The following GPR146 variants were observed in gnomAD, a reference collection of about 807,000 sequenced individuals.
GPR146 encodes the protein G-protein coupled receptor 146.
For missense variants in GPR146, 381 were observed against 213.9 expected (o/e 1.78, Z -4.87); for synonymous variants, 203 against 104.3 (o/e 1.95, Z -5.77).
At chr7:1,049,140 C>T (rs1275474185) in intron 1 of GPR146, among the ~76,000 whole-genome samples, 4 of 152,226 alleles carry the variant, frequency 2.6e-5, no homozygotes, top group South Asian at 2.1e-4. Flanking sequence ...TCCTCCTCCA[C>T]GTTGGCCAGC....
chr7:1,047,915 T>TC (rs1782732718), intron 1 of GPR146, among the ~76,000 whole-genome samples: 1 of 152,138 alleles, frequency 6.6e-6, no homozygotes, highest in African/African-American at 2.4e-5. Context: ...ACTGAATACA[T>TC]CCCCTTCTAC....
chr7:1,058,550 G>T lies in GPR146; in HGVS notation c.*33G>T. On this transcript the variant is annotated 3_prime_UTR_variant, in exon 2 of 2. Transcript: ENST00000444847. ...AGCCCTCCTGGGGAGACGTGACTCT[G>T]GTGGACGCAGAGCACTTAGTTACCC... 1 of 754,074 alleles carries T rather than the reference G, an allele frequency of 1.3e-6. No individual in the cohort carries two copies. The highest frequency in any genetic ancestry group is 1.4e-5 in the South Asian group (1 of 70,594). 46.7% of individuals were successfully genotyped at this position (754,074 alleles called of 1,614,324 possible). A position where few individuals can be genotyped will look rare whatever the true frequency, so the allele number is the denominator to read the frequency against.
chr7:1,055,595 G>T, intron 1 of GPR146: 1 of 374,752 alleles, frequency 2.7e-6, no homozygotes. Flanking sequence ...GAGAGAGGAC[G>T]CAGGGGGTTC....
intron 1 of GPR146, among the ~76,000 whole-genome samples, chr7:1,051,888 G>A (rs1218343745): frequency 1.3e-5 from 2 of 152,222 alleles, no homozygotes; most frequent in Non-Finnish European, 2.9e-5. Flanking sequence ...TGAGATGGGA[G>A]GATCGCTTGA....
chr7:1,058,247 G>C lies in GPR146; in HGVS notation c.732G>C (p.Gly244=), dbSNP rs375024607. 5 of 768,290 alleles carry C rather than the reference G, an allele frequency of 6.5e-6. No homozygotes were observed. Among genetic ancestry groups the C allele is most frequent in the African/African-American group, 1.7e-5 (1 of 59,152 alleles). The allele number at this position is 768,290 out of a possible 1,614,324, so 47.6% of individuals were successfully genotyped here. The stretch of plus-strand genomic sequence containing the variant: ...TGGCCACCGTGTGCACGCAGTTTGG[G>C]CTCTGGACGCCACACTATCTGATCC... The part of the protein sequence containing the change: ...LLVATVCTQF[G]LWTPHYLILL... Residue 244 remains glycine, a synonymous_variant, in exon 2 of 2, where the codon GGG becomes GGC. Transcript: ENST00000444847.
Position 1,058,044 on chromosome 7 carries a change from G to C in GPR146, c.529G>C (p.Glu177Gln), listed in dbSNP as rs1395914334. 1.3e-6 allele frequency: 1 copy of C among 768,832 alleles called. No homozygotes were observed. Among genetic ancestry groups the C allele is most frequent in the Non-Finnish European group, 2.4e-6 (1 of 417,970 alleles). The allele number at this position is 768,832 out of a possible 1,614,324, so 47.6% of individuals were successfully genotyped here. Residue 177 changes from glutamate (E) to glutamine (Q), a missense_variant, in exon 2 of 2, where the codon GAG (glutamate) becomes CAG (glutamine). Glu to Gln is a conservative substitution (Grantham distance 29). Transcript: ENST00000444847. ...ICSHVSTRAL[E>Q]CAKMQNAEAA... ...CAGCCATGTGTCCACCCGCGCGCTA[G>C]AGTGCGCCAAGATGCAGAACGCAGA...
At chr7:1,047,745 C>G (rs1782712342) in intron 1 of GPR146, among the ~76,000 whole-genome samples, 1 of 152,242 alleles carries the variant, frequency 6.6e-6, no homozygotes, top group Non-Finnish European at 1.5e-5. Flanking sequence ...CCTCGCAGTT[C>G]TCTTTCCACT....
Position 1,058,036 on chromosome 7 carries a change from G to A in GPR146, c.521G>A (p.Arg174His), listed in dbSNP as rs540415199. Residue 174 changes from arginine (R) to histidine (H), a missense_variant, in exon 2 of 2, where the codon CGC becomes CAC. By Grantham distance (29) the Arg-to-His change is conservative (BLOSUM62 0). Coordinates refer to ENST00000444847, the MANE Select transcript of GPR146 (RefSeq NM_001303473.2). ...TACATCTGCAGCCATGTGTCCACCC[G>A]CGCGCTAGAGTGCGCCAAGATGCAG... ...LFYICSHVST[R>H]ALECAKMQNA... 23 of 769,088 alleles carry A rather than the reference G, an allele frequency of 3.0e-5. No homozygotes were observed. The highest frequency in any genetic ancestry group is 1.3e-4 in the African/African-American group (8 of 59,272). 47.6% of individuals were successfully genotyped at this position (769,088 alleles called of 1,614,324 possible).
intron 1 of GPR146, among the ~76,000 whole-genome samples, chr7:1,045,991 A>C (rs1316226763): frequency 1.3e-5 from 2 of 152,252 alleles, no homozygotes; most frequent in African/African-American, 4.8e-5. Flanking sequence ...CCTGCAACTC[A>C]TAAGCCCCAG....
At position 1,058,155 on chromosome 7, in the gene GPR146, C is replaced by T. The variant is rs188005318; in HGVS notation, c.640C>T (p.Arg214Cys). Residue 214 changes from arginine (R) to cysteine (C), a missense_variant, in exon 2 of 2, where the codon CGC (arginine) becomes TGC (cysteine). Coordinates refer to ENST00000444847, the MANE Select transcript of GPR146 (RefSeq NM_001303473.2). ...LYALVLLSRV[R>C]REDTPLDRDT... ...CGCGCTGGTGCTACTCTCCCGCGTC[C>T]GCAGGGAGGACACGCCCCTGGACCG... 61 of 739,336 alleles carry T rather than the reference C, an allele frequency of 8.3e-5. No homozygotes were observed. Among genetic ancestry groups the T allele is most frequent in the South Asian group, 3.3e-4 (24 of 72,494 alleles). The allele number at this position is 739,336 out of a possible 1,614,324, so 45.8% of individuals were successfully genotyped here.
chr7:1,049,668 C>T (rs941992441), intron 1 of GPR146, among the ~76,000 whole-genome samples: 2 of 152,222 alleles, frequency 1.3e-5, no homozygotes, highest in African/African-American at 4.8e-5. Flanking sequence ...TTCCTATTAG[C>T]AGGCTTACTA....
intron 1 of GPR146, among the ~76,000 whole-genome samples, chr7:1,054,489 C>T (rs749658152): frequency 1.3e-5 from 2 of 152,232 alleles, no homozygotes; most frequent in East Asian, 1.9e-4. Flanking sequence ...ACTCGAGAGC[C>T]GGTTCAGGGC....
intron 1 of GPR146, chr7:1,045,359 T>C (rs1782480420): frequency 1.3e-5 from 2 of 152,428 alleles, no homozygotes; most frequent in Middle Eastern, 6.8e-3. Flanking sequence ...TCCCTGCCCA[T>C]GAAGATGTAC....
rs777099634 is a variant in GPR146, at chr7:1,057,602, G to C, written c.87G>C (p.Leu29Phe). Residue 29 changes from leucine to phenylalanine, a missense_variant, in exon 2 of 2, where the codon TTG becomes TTC. Transcript: ENST00000444847. ...ACCTGCAGCTGGGGCTGTCACTGTT[G>C]TCGCTGCTGGGCCTGGTGGTGGGCG... ...CQDLQLGLSL[L>F]SLLGLVVGVP... 4 of 770,288 alleles carry C rather than the reference G, an allele frequency of 5.2e-6. No individual in the cohort carries two copies. The highest frequency in any genetic ancestry group is 3.4e-5 in the Admixed American group (2 of 58,052). 47.7% of individuals were successfully genotyped at this position (770,288 alleles called of 1,614,324 possible).
rs1783218275 is a variant in GPR146, at chr7:1,052,438, C to CG, written c.-24-5048dup. ...CTTGAGGAGTCGTGGGGGAGGGTTT[C>CG]GGGGGGAGATGCTGGTGGTAACAGT... On this transcript the variant is annotated intron_variant, in intron 1 of 1. Transcript: ENST00000444847. This position sits in a 1 kb window ranked among gnomAD's most constrained non-coding sequence, Gnocchi z 4.2. Among the ~76,000 whole-genome samples the CG allele has an allele frequency of 6.6e-6, 1 of 151,460 alleles. No individual in the cohort carries two copies. The highest frequency in any genetic ancestry group is 2.4e-5 in the African/African-American group (1 of 41,138).
chr7:1,048,238 C>T (rs762130245), intron 1 of GPR146, among the ~76,000 whole-genome samples: 4 of 152,134 alleles, frequency 2.6e-5, no homozygotes, highest in African/African-American at 7.2e-5. Flanking sequence ...TGGGGATCAC[C>T]GGGCGTGGGA....
intron 1 of GPR146, among the ~76,000 whole-genome samples, chr7:1,053,564 A>T (rs1236264910): frequency 6.6e-6 from 1 of 152,204 alleles, no homozygotes; most frequent in Admixed American, 6.5e-5. Context: ...ATGGTGGCTC[A>T]CGTCTGTAAT....
At chr7:1,053,477 C>A (rs552903499) in intron 1 of GPR146, among the ~76,000 whole-genome samples, 1 of 152,212 alleles carries the variant, frequency 6.6e-6, no homozygotes, top group African/African-American at 2.4e-5. Context: ...TCACATGACT[C>A]GCCAGGCCCT....
At position 1,058,487 on chromosome 7, in the gene GPR146, C is replaced by T. The variant is rs1784120823; in HGVS notation, c.972C>T (p.Asp324=). The part of the protein sequence containing the change: ...LPCGDRHCSP[D]HMGVQQVLA ...GCGGGGACCGGCACTGCTCCCCGGA[C>T]CACATGGGGGTGCAGCAGGTGCTGG... The change falls in exon 2 of 2, where the codon GAC becomes GAT. Residue 324 remains aspartate, a synonymous_variant. Coordinates refer to ENST00000444847, the MANE Select transcript of GPR146 (RefSeq NM_001303473.2). 1.3e-6 allele frequency: 1 copy of T among 780,016 alleles called. No homozygotes were observed. Among genetic ancestry groups the T allele is most frequent in the Admixed American group, 1.7e-5 (1 of 59,020 alleles). The allele number at this position is 780,016 out of a possible 1,614,324, so 48.3% of individuals were successfully genotyped here. A position where few individuals can be genotyped will look rare whatever the true frequency, so the allele number is the denominator to read the frequency against.
Sources: allele counts gnomAD v4.1 joint callset (sites outside exome capture counted in the v4.1 genomes callset), GRCh38; gene constraint gnomAD v4.1.1; non-coding constraint Gnocchi (gnomAD v3.1); transcripts MANE v1.5; gene names NCBI Gene and HGNC (gene_info 2026-07-23, HGNC 2026-07-21).